The following ATP6V0A4 variants were observed in gnomAD, a reference collection of about 807,000 sequenced individuals.
The protein encoded by ATP6V0A4 is ATPase H+ transporting V0 subunit a4, also known as V-type proton ATPase 116 kDa subunit a 4.
ATP6V0A4 carries 86 observed loss-of-function variants against 107.3 expected under a neutral mutation model. That is an observed-to-expected ratio of 0.80 (90% CI 0.67 to 0.96). The LOEUF is 0.96. Ranked by LOEUF, ATP6V0A4 falls within the 40% of genes least tolerant of loss-of-function variation. ATP6V0A4 has a pLI of 0.00. For missense variants in ATP6V0A4, 908 were observed against 1,045.6 expected (o/e 0.87, Z 1.81); for synonymous variants, 353 against 381.4 (o/e 0.93, Z 0.87).
intron 1 of ATP6V0A4, among the ~76,000 whole-genome samples, chr7:138,794,264 C>T (rs1242514133): frequency 2.0e-5 from 3 of 152,094 alleles, no homozygotes; most frequent in Non-Finnish European, 4.4e-5. Flanking sequence ...TTGGTTAGGG[C>T]CACAATTCTC....
intron 20 of ATP6V0A4, among the ~76,000 whole-genome samples, chr7:138,710,920 C>T (rs889362890): frequency 2.0e-5 from 3 of 152,142 alleles, no homozygotes; most frequent in Admixed American, 6.5e-5. Context: ...CAGAGGAATT[C>T]GAAGCAGTTT....
At chr7:138,768,915 G>A (rs1296150510) in intron 4 of ATP6V0A4, 41 bp from the exon 5 acceptor site, 2 of 1,611,986 alleles carry the variant, frequency 1.2e-6, no homozygotes, top group East Asian at 2.2e-5. Context: ...AGGTGATTGT[G>A]TTTTCTCATA....
intron 10 of ATP6V0A4, 146 bp from the exon 11 acceptor site, chr7:138,752,983 C>A: frequency 6.9e-7 from 1 of 1,455,780 alleles, no homozygotes; most frequent in Non-Finnish European, 9.2e-7. Flanking sequence ...GCCTTGAACT[C>A]TCCTGAGCAG....
intron 7 of ATP6V0A4, among the ~76,000 whole-genome samples, chr7:138,760,129 C>T (rs1209260901): frequency 6.6e-6 from 1 of 152,192 alleles, no homozygotes; most frequent in African/African-American, 2.4e-5. Context: ...AATACTATAT[C>T]GTCACTAATT....
chr7:138,744,669 A>T (rs1365574660), intron 14 of ATP6V0A4, among the ~76,000 whole-genome samples: 1 of 151,784 alleles, frequency 6.6e-6, no homozygotes, highest in Non-Finnish European at 1.5e-5. Flanking sequence ...AGTAGCTAGG[A>T]CTAAAGGCGT....
intron 21 of ATP6V0A4, among the ~76,000 whole-genome samples, chr7:138,708,017 T>TTTATTTA (rs1334995468): frequency 7.1e-6 from 1 of 139,954 alleles, no homozygotes; most frequent in African/African-American, 2.7e-5. Flanking sequence ...TTATGTTTTA[T>TTTATTTA]TTTATTTATT....
At chr7:138,764,479 G>A (rs1396764136) in intron 5 of ATP6V0A4, among the ~76,000 whole-genome samples, 4 of 152,078 alleles carry the variant, frequency 2.6e-5, no homozygotes, top group African/African-American at 9.7e-5. Flanking sequence ...GGAAAAAAAG[G>A]ACATATATCC....
chr7:138,746,571 T>C (rs1805961803), intron 13 of ATP6V0A4, among the ~76,000 whole-genome samples: 2 of 151,804 alleles, frequency 1.3e-5, no homozygotes, highest in Non-Finnish European at 2.9e-5. Context: ...TGGCGCAATC[T>C]CAGCTCACTG....
At chr7:138,759,949 C>A in intron 7 of ATP6V0A4, 71 bp from the exon 8 acceptor site, 1 of 1,609,862 alleles carries the variant, frequency 6.2e-7, no homozygotes, top group Non-Finnish European at 8.5e-7. Flanking sequence ...CCCTGTAGGA[C>A]GTGAAGACAC....
intron 21 of ATP6V0A4, among the ~76,000 whole-genome samples, chr7:138,707,168 AT>A (rs1562972388): frequency 7.0e-4 from 46 of 65,516 alleles, no homozygotes; most frequent in Middle Eastern, 7.1e-3. Context: ...ATAATATATT[AT>A]ATATATTATA....
intron 2 of ATP6V0A4, among the ~76,000 whole-genome samples, chr7:138,772,182 T>A (rs952174354): frequency 2.0e-5 from 3 of 152,224 alleles, no homozygotes; most frequent in African/African-American, 7.2e-5. Flanking sequence ...GAGAGCAATT[T>A]ATCAATGTCT....
At chr7:138,784,236 G>GTATA (rs869254063) in intron 2 of ATP6V0A4, among the ~76,000 whole-genome samples, 6 of 16,806 alleles carry the variant, frequency 3.6e-4, no homozygotes, top group African/African-American at 9.0e-4. Flanking sequence ...ATATATATAC[G>GTATA]TATATATATA....
At chr7:138,744,109 G>A (rs901891026) in intron 14 of ATP6V0A4, among the ~76,000 whole-genome samples, 5 of 152,142 alleles carry the variant, frequency 3.3e-5, no homozygotes, top group Admixed American at 2.6e-4. Flanking sequence ...TGGGGATTTA[G>A]AGAGCTTCCA....
intron 21 of ATP6V0A4, among the ~76,000 whole-genome samples, chr7:138,708,707 C>T (rs1337829243): frequency 3.9e-5 from 6 of 152,182 alleles, no homozygotes; most frequent in Non-Finnish European, 7.3e-5. Context: ...CTGGTGGTAC[C>T]CTCCTTCTCT....
At chr7:138,707,298 A>ATATATT (rs1803476106) in intron 21 of ATP6V0A4, among the ~76,000 whole-genome samples, 1 of 78,942 alleles carries the variant, frequency 1.3e-5, no homozygotes, top group Non-Finnish European at 2.3e-5. Context: ...TATATTATAA[A>ATATATT]TATATTTATA....
At chr7:138,764,114 A>G (rs1806969478) in intron 5 of ATP6V0A4, among the ~76,000 whole-genome samples, 1 of 151,652 alleles carries the variant, frequency 6.6e-6, no homozygotes, top group African/African-American at 2.4e-5. Flanking sequence ...AAAATTTTTT[A>G]ACATGTAAAG....
chr7:138,774,648 CATTATAT>C lies in ATP6V0A4; in HGVS notation c.-17-3391_-17-3385del, dbSNP rs887370108. Reference sequence around the variant, plus strand: ...TTATATACATTATATATATTATATACATTATATATTATATATTATATACATTATATAT... The same window carrying C: ...TTATATACATTATATATATTATATACATTATATATTATATACATTATATAT... On this transcript the variant is annotated intron_variant, in intron 2 of 21. Coordinates refer to ENST00000310018, the MANE Select transcript of ATP6V0A4 (RefSeq NM_020632.3). Among the ~76,000 whole-genome samples the C allele has an allele frequency of 2.2e-3, 321 of 146,106 alleles. 12 individuals carry two copies. In the South Asian group the frequency reaches 0.06, roughly 27 times the overall value.
At chr7:138,781,149 G>A (rs1807900892) in intron 2 of ATP6V0A4, among the ~76,000 whole-genome samples, 1 of 152,188 alleles carries the variant, frequency 6.6e-6, no homozygotes, top group African/African-American at 2.4e-5. Context: ...ATGACACAAG[G>A]CTAGAGAGTT....
intron 1 of ATP6V0A4, among the ~76,000 whole-genome samples, chr7:138,793,018 G>T (rs116472291): frequency 0.032 from 4,894 of 152,226 alleles, 230 homozygotes; most frequent in African/African-American, 0.11. Flanking sequence ...AGAAGGCTGG[G>T]CGCAGTGGCT....
Sources: gnomAD v4.1 joint callset for allele counts (sites outside exome capture counted in the v4.1 genomes callset) on GRCh38, gnomAD v4.1.1 for gene constraint, MANE v1.5 for transcripts, NCBI Gene and HGNC (gene_info 2026-07-23, HGNC 2026-07-21) for gene names.